Variants in DPF3 observed in about 807,000 individuals in gnomAD.
DPF3 encodes double PHD fingers 3.
Under a neutral mutation model 56.8 loss-of-function variants are expected in DPF3, and 18 were observed. The ratio of observed to expected loss-of-function variants is 0.32; its 90% CI spans 0.22 to 0.47. The LOEUF is 0.47. DPF3 is among the 20% of genes least tolerant of loss of function. The pLI, the probability that DPF3 is intolerant of heterozygous loss-of-function variation, is 1.00. For synonymous variants in DPF3, 188 were observed against 180.2 expected, an observed-to-expected ratio of 1.04 and a Z score of -0.35; for missense variants, 403 against 488.8, an observed-to-expected ratio of 0.82 and a Z score of 1.65.
At chr14:72,671,081 A>C in intron 8 of DPF3, 1 of 1,596,898 alleles carries the variant, frequency 6.3e-7, no homozygotes, top group Non-Finnish European at 8.5e-7. Context: ...GAACCAGCAC[A>C]ATGACCAAAG....
intron 4 of DPF3, among the ~76,000 whole-genome samples, chr14:72,729,063 C>A (rs142298106): frequency 9.9e-5 from 15 of 152,012 alleles, no homozygotes; most frequent in Admixed American, 3.3e-4. Context: ...GCCTGGCAAA[C>A]ATGGTGAATC....
chr14:72,848,745 CAG>C (rs1466794207), intron 1 of DPF3, among the ~76,000 whole-genome samples: 2 of 152,162 alleles, frequency 1.3e-5, no homozygotes, highest in African/African-American at 4.8e-5. Flanking sequence ...TCCTGGAAAA[CAG>C]GAGTTCAGGA....
intron 4 of DPF3, among the ~76,000 whole-genome samples, chr14:72,726,021 C>T (rs1889393929): frequency 3.3e-5 from 5 of 152,202 alleles, no homozygotes; most frequent in African/African-American, 1.2e-4. Flanking sequence ...GACCTCTGGC[C>T]CATAACTAGG....
intron 1 of DPF3, among the ~76,000 whole-genome samples, chr14:72,866,946 G>A (rs976548644): frequency 3.0e-4 from 45 of 149,932 alleles, no homozygotes; most frequent in Admixed American, 4.0e-4. Context: ...ATTTTCTAAG[G>A]GTATTCTTTT....
intron 5 of DPF3, among the ~76,000 whole-genome samples, chr14:72,722,860 G>C (rs917081781): frequency 6.6e-6 from 1 of 152,058 alleles, no homozygotes; most frequent in African/African-American, 2.4e-5. Flanking sequence ...CCTTCCACCT[G>C]GGTTTTTTCC....
chr14:72,739,231 G>C (rs1371601409), intron 3 of DPF3, among the ~76,000 whole-genome samples: 2 of 147,526 alleles, frequency 1.4e-5, no homozygotes, highest in African/African-American at 5.0e-5. Flanking sequence ...GACAGAGTGA[G>C]ACTCTGTCTC....
intron 2 of DPF3, among the ~76,000 whole-genome samples, chr14:72,757,102 AGAGGGAGG>A (rs1275018299): frequency 2.7e-5 from 2 of 74,966 alleles, no homozygotes; most frequent in African/African-American, 5.6e-5. Flanking sequence ...AGGAAGGGAG[AGAGGGAGG>A]GAGGGAGGGA....
rs1266583512 is a variant in DPF3, at chr14:72,617,696, T to A, written c.*1601A>T. Among the ~76,000 whole-genome samples, 2 of 152,098 alleles carry A rather than the reference T, an allele frequency of 1.3e-5. No homozygotes were observed. The highest frequency in any genetic ancestry group is 2.9e-5 in the Non-Finnish European group (2 of 68,022). Reference sequence around the variant, plus strand: ...CCCTGGGTCCACTGGCCAAGAGCAATTAGCCTAGAGAGGAGCACTCCTGCC... The same window carrying A: ...CCCTGGGTCCACTGGCCAAGAGCAAATAGCCTAGAGAGGAGCACTCCTGCC... On this transcript the variant is annotated 3_prime_UTR_variant, in exon 11 of 11. Coordinates refer to ENST00000556509, the MANE Select transcript of DPF3 (RefSeq NM_001280542.3).
At chr14:72,664,109 A>G (rs1886344287) in intron 8 of DPF3, among the ~76,000 whole-genome samples, 2 of 151,808 alleles carry the variant, frequency 1.3e-5, no homozygotes, top group Non-Finnish European at 2.9e-5. Flanking sequence ...CCTTCCCTTG[A>G]CTGATCAAAC....
intron 6 of DPF3, among the ~76,000 whole-genome samples, chr14:72,704,856 A>C (rs1888338490): frequency 6.6e-6 from 1 of 152,088 alleles, no homozygotes; most frequent in African/African-American, 2.4e-5. Flanking sequence ...AGTCTTCTTC[A>C]TCTGCCCCGT....
intron 3 of DPF3, among the ~76,000 whole-genome samples, chr14:72,740,639 A>T (rs1890086068): frequency 6.6e-6 from 1 of 152,198 alleles, no homozygotes; most frequent in South Asian, 2.1e-4. Context: ...TCCACGGAGG[A>T]ATGGCTCTTC....
At chr14:72,710,237 T>TC (rs1450118834) in intron 6 of DPF3, among the ~76,000 whole-genome samples, 1 of 152,204 alleles carries the variant, frequency 6.6e-6, no homozygotes. Context: ...CACCTGCCTG[T>TC]CCCCAGTTAT....
intron 6 of DPF3, among the ~76,000 whole-genome samples, chr14:72,694,233 C>T (rs1343334864): frequency 6.6e-6 from 1 of 152,204 alleles, no homozygotes; most frequent in African/African-American, 2.4e-5. Context: ...GTAGCAGAAA[C>T]CTCGAGAGTC....
At chr14:72,880,459 G>A (rs1364424485) in intron 1 of DPF3, among the ~76,000 whole-genome samples, 1 of 152,228 alleles carries the variant, frequency 6.6e-6, no homozygotes, top group Non-Finnish European at 1.5e-5. Flanking sequence ...TCTGAAACCA[G>A]CCCCTCATAA....
intron 4 of DPF3, among the ~76,000 whole-genome samples, chr14:72,726,194 T>C (rs1199120600): frequency 1.3e-5 from 2 of 152,234 alleles, no homozygotes; most frequent in East Asian, 3.8e-4. Flanking sequence ...TTGTTGCTGT[T>C]CGTAGAACCA....
chr14:72,637,999 T>G (rs908706052), intron 8 of DPF3, among the ~76,000 whole-genome samples: 2 of 152,140 alleles, frequency 1.3e-5, no homozygotes, highest in African/African-American at 4.8e-5. Context: ...TGCAATAAGT[T>G]AGGCCTATAC....
intron 1 of DPF3, among the ~76,000 whole-genome samples, chr14:72,802,181 A>G (rs1188282378): frequency 6.6e-6 from 1 of 151,348 alleles, no homozygotes; most frequent in Non-Finnish European, 1.5e-5. Context: ...CCTGAACACT[A>G]CGAGACAAAT....
At chr14:72,659,055 C>A (rs115057390) in intron 8 of DPF3, among the ~76,000 whole-genome samples, 5,848 of 152,174 alleles carry the variant, frequency 0.038, 178 homozygotes, top group South Asian at 0.13. Context: ...AGGCTGCATC[C>A]CCTGAGCTGA....
chr14:72,662,425 T>C (rs1367292274), intron 8 of DPF3: 8 of 984,736 alleles, frequency 8.1e-6, no homozygotes, highest in Admixed American at 1.2e-4. Flanking sequence ...GTCAGCACTT[T>C]TTTCCTTTTA....
Sources: allele counts gnomAD v4.1 joint callset (sites outside exome capture counted in the v4.1 genomes callset), GRCh38; gene constraint gnomAD v4.1.1; transcripts MANE v1.5; gene names NCBI Gene and HGNC (gene_info 2026-07-23, HGNC 2026-07-21).